SH3RF2: variants seen among roughly 807,000 people sequenced by gnomAD.
SH3RF2 encodes SH3 domain containing ring finger 2.
A neutral mutation model predicts 59.0 loss-of-function variants in SH3RF2; 43 were observed. The observed-to-expected ratio is 0.73, with a 90% CI of 0.57 to 0.94. The LOEUF (loss-of-function observed/expected upper bound fraction) is 0.94, where lower values mean the gene tolerates loss of function less well. Among genes scored for constraint, SH3RF2 ranks in the 40% least tolerant of loss-of-function variants. SH3RF2 has a pLI of 0.00. For missense variants in SH3RF2, 930 were observed against 940.1 expected, an observed-to-expected ratio of 0.99 and a Z score of 0.14; for synonymous variants, 391 against 391.5, an observed-to-expected ratio of 1.00 and a Z score of 0.01.
chr5:146,052,401 G>A (rs1237208776), intron 7 of SH3RF2, among the ~76,000 whole-genome samples: 3 of 152,104 alleles, frequency 2.0e-5, no homozygotes, highest in Admixed American at 1.3e-4. Flanking sequence ...CTTCTGAGAT[G>A]CCTACATGTC....
chr5:146,024,254 A>T lies in SH3RF2; in HGVS notation c.1059+10193A>T, dbSNP rs917317846. 5.9e-5 allele frequency among the ~76,000 whole-genome samples: 9 copies of T among 152,160 alleles called. No homozygotes were observed. In the South Asian group the frequency reaches 1.9e-3, roughly 32 times the overall value. On this transcript the variant is annotated intron_variant, in intron 5 of 9. Coordinates refer to ENST00000359120, the MANE Select transcript of SH3RF2 (RefSeq NM_152550.4). ...TTCGCCAACACTTGTTTTATTATCA[A>T]TCTTTTTTATTGCAGCCATCCAATT...
rs565605115 is a variant in SH3RF2, at chr5:146,010,099, A to G, written c.745-3648A>G. On this transcript the variant is annotated intron_variant, in intron 4 of 9. Coordinates refer to ENST00000359120, the MANE Select transcript of SH3RF2 (RefSeq NM_152550.4). ...TGTGTCCAAGTGTTCTCATTGTTCA[A>G]TTCCCACCTATGAGTGAGAACATGC... is the stretch of plus-strand genomic sequence containing the variant. Among the ~76,000 whole-genome samples, 33 of 152,008 alleles carry G rather than the reference A, an allele frequency of 2.2e-4. No individual in the cohort carries two copies. The South Asian group carries it at 5.4e-3, about 25-fold the overall frequency.
chr5:146,065,933 G>A (rs1456229210), downstream of SH3RF2, among the ~76,000 whole-genome samples: 1 of 152,226 alleles, frequency 6.6e-6, no homozygotes, highest in Non-Finnish European at 1.5e-5. Flanking sequence ...TGGGATTACA[G>A]GCGTGAGCCA....
rs75293255 is a variant in SH3RF2 at position 145,971,787 on chromosome 5, C to T, written c.379-28271C>T. On this transcript the variant is annotated intron_variant, in intron 2 of 9. Coordinates refer to ENST00000359120, the MANE Select transcript of SH3RF2 (RefSeq NM_152550.4). ...AGAGTATTGGTAAACAAAGCTACCA[C>T]CTCTGGAATAACTAAGATGAAGCCC... Among the ~76,000 whole-genome samples, 350 of 152,208 alleles carry T rather than the reference C, an allele frequency of 2.3e-3. 1 individual carries two copies. The highest frequency in any genetic ancestry group is 3.4e-3 in the Non-Finnish European group (233 of 68,022).
At chr5:146,024,945 C>G (rs1043903536) in intron 5 of SH3RF2, among the ~76,000 whole-genome samples, 1 of 152,178 alleles carries the variant, frequency 6.6e-6, no homozygotes, top group Non-Finnish European at 1.5e-5. Context: ...TCAGCCTGCT[C>G]CATCCATTAA....
At chr5:146,052,059 T>C (rs1762519767) in intron 7 of SH3RF2, among the ~76,000 whole-genome samples, 2 of 152,056 alleles carry the variant, frequency 1.3e-5, no homozygotes, top group African/African-American at 4.8e-5. Flanking sequence ...TCATGAACGG[T>C]TTCTTCCATG....
Position 146,060,229 on chromosome 5 carries a change from G to T in SH3RF2, c.1914+5G>T. 1.3e-6 allele frequency: 2 copies of T among 1,592,404 alleles called. No homozygotes were observed. The highest frequency in any genetic ancestry group is 1.7e-6 in the Non-Finnish European group (2 of 1,168,246). On this transcript the variant is annotated splice_donor_5th_base_variant and intron_variant, in intron 9 of 9. Coordinates refer to ENST00000359120, the MANE Select transcript of SH3RF2 (RefSeq NM_152550.4). ...TCAAGAAATGGCATCGAAAAGGTAG[G>T]ATCAGAGTGACATTGGGGGCCCAAC...
At chr5:146,029,509 G>A (rs1326593837) in intron 5 of SH3RF2, among the ~76,000 whole-genome samples, 1 of 152,152 alleles carries the variant, frequency 6.6e-6, no homozygotes, top group African/African-American at 2.4e-5. Flanking sequence ...CATCATCTGA[G>A]ACTCGGTGAT....
intron 2 of SH3RF2, among the ~76,000 whole-genome samples, chr5:145,954,320 T>C (rs910246889): frequency 6.6e-6 from 1 of 152,242 alleles, no homozygotes; most frequent in Non-Finnish European, 1.5e-5. Flanking sequence ...GATATTGAGC[T>C]TTTTTTATAT....
chr5:146,055,808 C>T, intron 7 of SH3RF2, 173 bp from the exon 8 acceptor site: 1 of 704,584 alleles, frequency 1.4e-6, no homozygotes, highest in Non-Finnish European at 2.3e-6. Context: ...GGAGGTGGGG[C>T]CAACTTTAGT....
At chr5:145,954,933 A>G (rs1758336036) in intron 2 of SH3RF2, among the ~76,000 whole-genome samples, 1 of 152,064 alleles carries the variant, frequency 6.6e-6, no homozygotes. Flanking sequence ...ACACTTTTAA[A>G]TGACCAGAGG....
rs1210049363 is a variant in SH3RF2 at position 146,056,250 on chromosome 5, G to C, written c.1555+37G>C. On this transcript the variant is annotated intron_variant, in intron 8 of 9. Transcript: ENST00000359120. ...CAGAGAGGTACGTGCCTAGAGCTAA[G>C]TGATGGGGGGAATCTGACCCAGGGG... The C allele has an allele frequency of 1.9e-6, 3 of 1,613,384 alleles. No individual in the cohort carries two copies. The East Asian group carries it at 6.7e-5, about 36-fold the overall frequency.
rs57377156 is a variant in SH3RF2, at chr5:146,022,874, A to AAC, written c.1059+8861_1059+8862dup. 9.5e-3 allele frequency among the ~76,000 whole-genome samples: 1,350 copies of AAC among 141,972 alleles called. 25 individuals carry two copies. The highest frequency in any genetic ancestry group is 0.034 in the African/African-American group (1,270 of 36,858). The allele number at this position is 141,972 out of a possible 152,430, so 93.1% of individuals were successfully genotyped here. A position where few individuals can be genotyped will look rare whatever the true frequency, so the allele number is the denominator to read the frequency against. On this transcript the variant is annotated intron_variant, in intron 5 of 9. Coordinates refer to ENST00000359120, the MANE Select transcript of SH3RF2 (RefSeq NM_152550.4). ...GTGACACAGAGCAAGGCTCCATCTA[A>AAC]ACACACACACACACACACACACACA... is the stretch of plus-strand genomic sequence containing the variant.
intron 2 of SH3RF2, among the ~76,000 whole-genome samples, chr5:145,974,387 G>A (rs535010649): frequency 6.6e-6 from 1 of 152,236 alleles, no homozygotes; most frequent in African/African-American, 2.4e-5. Context: ...CATGGGGGTA[G>A]GAGCACCTTT....
chr5:146,023,858 T>A (rs1253709054), intron 5 of SH3RF2, among the ~76,000 whole-genome samples: 1 of 152,250 alleles, frequency 6.6e-6, no homozygotes, highest in Non-Finnish European at 1.5e-5. Context: ...GCACACAGTA[T>A]TCGAATATTT....
At position 145,937,914 on chromosome 5, in the gene SH3RF2, G is replaced by T. The variant is rs746517742; in HGVS notation, c.-15G>T. On this transcript the variant is annotated 5_prime_UTR_variant, in exon 2 of 10. Transcript: ENST00000359120. Reference sequence around the variant, plus strand: ...ACGCTGCTCCTCCAGGTGGGAACTGGAGTTTTGAAATAAAATGGATGATTT... The same window carrying T: ...ACGCTGCTCCTCCAGGTGGGAACTGTAGTTTTGAAATAAAATGGATGATTT... The T allele has an allele frequency of 6.2e-7, 1 of 1,605,650 alleles. No individual in the cohort carries two copies. Among genetic ancestry groups the T allele is most frequent in the Admixed American group, 1.7e-5 (1 of 59,464 alleles).
intron 5 of SH3RF2, among the ~76,000 whole-genome samples, chr5:146,027,756 C>A (rs1761581480): frequency 6.6e-6 from 1 of 152,120 alleles, no homozygotes; most frequent in East Asian, 1.9e-4. Context: ...AGGAAGCGAG[C>A]TGAGGTTCTG....
At chr5:145,955,937 G>A (rs941429123) in intron 2 of SH3RF2, among the ~76,000 whole-genome samples, 1 of 152,164 alleles carries the variant, frequency 6.6e-6, no homozygotes, top group African/African-American at 2.4e-5. Context: ...TTGGAATAAA[G>A]TTTATCTTTG....
At chr5:146,057,349 T>TCCACCTCTCC (rs1371223786) in intron 8 of SH3RF2, among the ~76,000 whole-genome samples, 15 of 152,002 alleles carry the variant, frequency 9.9e-5, no homozygotes, top group African/African-American at 3.6e-4. Context: ...TGTACCTCCC[T>TCCACCTCTCC]CCACCTCTCC....
Sources: allele counts gnomAD v4.1 joint callset (sites outside exome capture counted in the v4.1 genomes callset), GRCh38; gene constraint gnomAD v4.1.1; transcripts MANE v1.5; gene names NCBI Gene and HGNC (gene_info 2026-07-23, HGNC 2026-07-21).